The following ZNF675 variants were observed in gnomAD, a reference collection of about 807,000 sequenced individuals.
ZNF675 encodes TRAF6 inhibitory zinc finger.
In ZNF675, 36 loss-of-function variants were observed where a neutral mutation model predicts 56.1. That is an observed-to-expected ratio of 0.64 (90% confidence interval 0.49 to 0.85). The LOEUF is 0.85. Ranked by LOEUF, ZNF675 falls within the 40% of genes least tolerant of loss-of-function variation. ZNF675 has a pLI of 0.00. For synonymous variants in ZNF675, 200 were observed against 218.9 expected, an observed-to-expected ratio of 0.91 and a Z score of 0.76; for missense variants, 663 against 654.2, an observed-to-expected ratio of 1.01 and a Z score of -0.15.
At position 23,669,862 on chromosome 19, in the gene ZNF675, T is replaced by A. The variant is rs149883768; in HGVS notation, c.4-6704A>T. On this transcript the variant is annotated intron_variant, in intron 1 of 3. Transcript: ENST00000359788. ...AGCAAGACTCTGTCTCAAAAAAAAA[T>A]TAAAAAAAAAAAACAACACCTCATA... Among the ~76,000 whole-genome samples the A allele has an allele frequency of 5.5e-4, 11 of 20,148 alleles. No homozygotes were observed. The South Asian group carries it at 0.03, about 55-fold the overall frequency. The allele number at this position is 20,148 out of a possible 152,430, so 13.2% of individuals were successfully genotyped here.
chr19:23,679,840 C>T (rs1447720925), intron 1 of ZNF675, among the ~76,000 whole-genome samples: 1 of 150,288 alleles, frequency 6.7e-6, no homozygotes, highest in African/African-American at 2.5e-5. Flanking sequence ...AAAATACAAA[C>T]TTAGCCAGGC....
intron 1 of ZNF675, among the ~76,000 whole-genome samples, chr19:23,666,005 A>G (rs1968146064): frequency 6.6e-6 from 1 of 152,232 alleles, no homozygotes; most frequent in Non-Finnish European, 1.5e-5. Flanking sequence ...AGGCAGCAAC[A>G]TCTAAATAAG....
intron 3 of ZNF675, among the ~76,000 whole-genome samples, chr19:23,658,908 G>GATATAGATCTATAGATACCTATCT (rs1238598265): frequency 2.8e-4 from 7 of 25,214 alleles, no homozygotes; most frequent in Admixed American, 9.4e-4. Context: ...GATATCTATA[G>GATATAGATCTATAGATACCTATCT]ATAGATATAG....
At chr19:23,666,843 C>A (rs1045873878) in intron 1 of ZNF675, among the ~76,000 whole-genome samples, 16 of 151,400 alleles carry the variant, frequency 1.1e-4, no homozygotes, top group African/African-American at 3.9e-4. Context: ...TTTGATGAAA[C>A]TGAAAGGTTT....
At chr19:23,657,342 T>C (rs1416232514) in intron 3 of ZNF675, among the ~76,000 whole-genome samples, 5 of 152,208 alleles carry the variant, frequency 3.3e-5, no homozygotes, top group African/African-American at 1.2e-4. Context: ...TATAAATCTT[T>C]ACATGAATTA....
Position 23,674,570 on chromosome 19 carries a change from G to C in ZNF675, c.4-11412C>G, listed in dbSNP as rs564071940. Among the ~76,000 whole-genome samples, 11 of 150,140 alleles carry C rather than the reference G, an allele frequency of 7.3e-5. No individual in the cohort carries two copies. The South Asian group carries it at 2.3e-3, about 31-fold the overall frequency. ...AGGCAGGAGAATCACTTGAACCCAG[G>C]AGACGGAGGTTGCAGTGAGCCTGGT... is the stretch of plus-strand genomic sequence containing the variant. On this transcript the variant is annotated intron_variant, in intron 1 of 3. Transcript: ENST00000359788.
intron 1 of ZNF675, 85 bp from the exon 2 acceptor site, chr19:23,663,243 A>G (rs959638765): frequency 1.8e-5 from 27 of 1,498,896 alleles, no homozygotes; most frequent in Admixed American, 2.2e-5. Context: ...GAGACTAAAG[A>G]GAACAGGTTC....
At chr19:23,657,506 C>T (rs1005215280) in intron 3 of ZNF675, among the ~76,000 whole-genome samples, 2 of 152,088 alleles carry the variant, frequency 1.3e-5, no homozygotes, top group African/African-American at 2.4e-5. Flanking sequence ...CACCTGAGGT[C>T]GGGAGTTGGA....
Position 23,653,010 on chromosome 19 carries a change from G to T in ZNF675, c.*216C>A. On this transcript the variant is annotated 3_prime_UTR_variant, in exon 4 of 4. Transcript: ENST00000359788. ...TTTATATTTGTACAATTTTTCTTAA[G>T]TATAAACGCTTTCCTGTGCAATAAG... The T allele has an allele frequency of 2.2e-6, 1 of 458,656 alleles. No homozygotes were observed. The highest frequency in any genetic ancestry group is 2.0e-5 in the African/African-American group (1 of 50,990). The allele number at this position is 458,656 out of a possible 1,614,324, so 28.4% of individuals were successfully genotyped here.
chr19:23,653,257 G>A lies in ZNF675; in HGVS notation c.1676C>T (p.Thr559Ile). 1 of 1,609,018 alleles carries A rather than the reference G, an allele frequency of 6.2e-7. No homozygotes were observed. The highest frequency in any genetic ancestry group is 8.5e-7 in the Non-Finnish European group (1 of 1,177,766). Residue 559 changes from threonine (T) to isoleucine (I), a missense_variant, in exon 4 of 4, where the codon ACT becomes ATT. Physicochemically the swap from Thr to Ile is moderately conservative, Grantham distance 89. Around this residue, in one of 3 missense-constraint regions of ZNF675, gnomAD observed 617 missense variants for 590.5 expected, o/e 1.04. Coordinates refer to ENST00000359788, the MANE Select transcript of ZNF675 (RefSeq NM_138330.3). ...ANLTKHKKIHTGEKLQNWNV is the reference protein window; with the variant it reads ...ANLTKHKKIHIGEKLQNWNV ...ATTCCAGTTCTGTAGTTTCTCTCCA[G>A]TATGTATTTTTTTATGTTTAGTAAG...
At chr19:23,660,413 T>C (rs1568289694) in intron 3 of ZNF675, among the ~76,000 whole-genome samples, 1 of 152,122 alleles carries the variant, frequency 6.6e-6, no homozygotes, top group Non-Finnish European at 1.5e-5. Flanking sequence ...AAAAGAGCAA[T>C]TGAAATTGAA....
chr19:23,658,866 G>GAT (rs1347594095), intron 3 of ZNF675, among the ~76,000 whole-genome samples: 1 of 5,132 alleles, frequency 1.9e-4, no homozygotes, highest in African/African-American at 5.3e-4. Context: ...TATAGAAATA[G>GAT]ATCTATAGAT....
intron 1 of ZNF675, among the ~76,000 whole-genome samples, 168 bp from the exon 2 acceptor site, chr19:23,663,326 T>C (rs972847111): frequency 6.6e-6 from 1 of 152,230 alleles, no homozygotes; most frequent in Non-Finnish European, 1.5e-5. Context: ...TAATGTGTTC[T>C]CTAACCCTGA....
At chr19:23,663,538 CA>C (rs1312324888) in intron 1 of ZNF675, among the ~76,000 whole-genome samples, 1 of 151,988 alleles carries the variant, frequency 6.6e-6, no homozygotes, top group Non-Finnish European at 1.5e-5. Flanking sequence ...ACTAAAAATA[CA>C]AAATTAGCCA....
At chr19:23,656,174 G>A (rs1967980837) in intron 3 of ZNF675, 3 of 152,148 alleles carry the variant, frequency 2.0e-5, no homozygotes, top group Admixed American at 2.0e-4. Flanking sequence ...AAAAGGAAAA[G>A]TAAAATTGGC....
At chr19:23,676,716 C>T (rs1968299336) in intron 1 of ZNF675, among the ~76,000 whole-genome samples, 1 of 151,822 alleles carries the variant, frequency 6.6e-6, no homozygotes, top group African/African-American at 2.4e-5. Context: ...AAAGAGTTAT[C>T]TACGACAAAT....
intron 3 of ZNF675, chr19:23,656,715 A>C (rs983929548): frequency 1.4e-5 from 2 of 141,006 alleles, no homozygotes; most frequent in Non-Finnish European, 1.5e-5. Context: ...TGAGAATATT[A>C]TATCACCTGA....
Position 23,654,192 on chromosome 19 carries a change from T to C in ZNF675, c.741A>G (p.Lys247=), listed in dbSNP as rs766717258. ...FNQFSNLTEY[K]KDYAREKPYK... ...ATGGTTTCTCTCGAGCATAATCTTT[T>C]TTATATTCAGTAAGGTTTGAGAATT... is the stretch of plus-strand genomic sequence containing the variant. The change falls in exon 4 of 4, where the codon AAA becomes AAG. Residue 247 remains lysine (K), a synonymous_variant. Coordinates refer to ENST00000359788, the MANE Select transcript of ZNF675 (RefSeq NM_138330.3). 1.2e-6 allele frequency: 2 copies of C among 1,614,070 alleles called. No individual in the cohort carries two copies. Among genetic ancestry groups the C allele is most frequent in the South Asian group, 1.1e-5 (1 of 91,080 alleles).
At chr19:23,660,252 T>C (rs980390871) in intron 3 of ZNF675, among the ~76,000 whole-genome samples, 4 of 151,890 alleles carry the variant, frequency 2.6e-5, no homozygotes, top group Non-Finnish European at 5.9e-5. Flanking sequence ...CAACAAAAGA[T>C]CTTTACCTTC....
Sources: allele counts gnomAD v4.1 joint callset (sites outside exome capture counted in the v4.1 genomes callset), GRCh38; gene constraint gnomAD v4.1.1; regional missense constraint gnomAD v4.1.1; transcripts MANE v1.5; gene names NCBI Gene and HGNC (gene_info 2026-07-23, HGNC 2026-07-21).